The following RANBP2 variants were observed in gnomAD, a reference collection of about 807,000 sequenced individuals.
RANBP2 encodes the protein E3 SUMO-protein ligase RanBP2.
A neutral mutation model predicts 303.6 loss-of-function variants in RANBP2; 57 were observed. The observed-to-expected ratio is 0.19, with a 90% CI of 0.15 to 0.23. The LOEUF (loss-of-function observed/expected upper bound fraction) is 0.23. Ranked by LOEUF, RANBP2 falls within the 10% of genes least tolerant of loss-of-function variation. The pLI is 1.00. For synonymous variants in RANBP2, 1,167 were observed against 1,301.5 expected, an observed-to-expected ratio of 0.90 and a Z score of 2.23; for missense variants, 3,138 against 3,780.8, an observed-to-expected ratio of 0.83 and a Z score of 4.46.
At chr2:108,930,486 C>T in the RANBP2 span, among the ~76,000 whole-genome samples, 2 of 152,236 alleles carry the variant, frequency 1.3e-5, no homozygotes, top group South Asian at 2.1e-4. Flanking sequence ...GCTGGCCAAG[C>T]CCCATCCCAC....
chr2:108,911,056 T>C, the RANBP2 span: 1 of 1,614,134 alleles, frequency 6.2e-7, no homozygotes, highest in African/African-American at 1.3e-5. Flanking sequence ...TGGCCAGGTG[T>C]CCTTGGCCTG....
At chr2:108,826,585 A>AT in the RANBP2 span, among the ~76,000 whole-genome samples, 2 of 152,118 alleles carry the variant, frequency 1.3e-5, no homozygotes, top group African/African-American at 4.8e-5. Flanking sequence ...CCATATCTGG[A>AT]TTCTCAGTTC....
the RANBP2 span, among the ~76,000 whole-genome samples, chr2:109,071,800 C>T: frequency 2.6e-5 from 4 of 151,992 alleles, no homozygotes; most frequent in African/African-American, 9.7e-5. Flanking sequence ...ATATTCAGAG[C>T]CACAATAATA....
the RANBP2 span, among the ~76,000 whole-genome samples, chr2:109,766,586 G>C: frequency 6.6e-6 from 1 of 150,412 alleles, no homozygotes; most frequent in Non-Finnish European, 1.5e-5. Flanking sequence ...AAATGTAGGA[G>C]GGTTTTAAAA....
chr2:109,146,895 C>CT, the RANBP2 span, among the ~76,000 whole-genome samples: 1 of 100,664 alleles, frequency 9.9e-6, no homozygotes, highest in East Asian at 5.6e-4. Context: ...TCCCCCCCCC[C>CT]CCCCCCGCCC....
At chr2:109,525,955 C>G in the RANBP2 span, among the ~76,000 whole-genome samples, 11 of 152,258 alleles carry the variant, frequency 7.2e-5, no homozygotes, top group African/African-American at 2.6e-4. Context: ...TCAGCATTAA[C>G]AGTCTCTGCA....
the RANBP2 span, among the ~76,000 whole-genome samples, chr2:108,890,157 T>G: frequency 3.3e-5 from 5 of 151,360 alleles, no homozygotes; most frequent in Non-Finnish European, 7.4e-5. Flanking sequence ...CTCAGCACTT[T>G]GAGTATATCA....
At chr2:109,198,924 G>A in the RANBP2 span, among the ~76,000 whole-genome samples, 2 of 152,142 alleles carry the variant, frequency 1.3e-5, no homozygotes, top group African/African-American at 2.4e-5. Context: ...ATGCAGAAAA[G>A]GTACAGTAAA....
chr2:108,873,035 T>C, the RANBP2 span, among the ~76,000 whole-genome samples: 1 of 152,224 alleles, frequency 6.6e-6, no homozygotes, highest in African/African-American at 2.4e-5. Context: ...CTGTCATTAA[T>C]AGTCAAGTGA....
chr2:109,183,926 C>T, the RANBP2 span, among the ~76,000 whole-genome samples: 6 of 152,220 alleles, frequency 3.9e-5, no homozygotes, highest in Non-Finnish European at 7.3e-5. Flanking sequence ...GCCCCCACAC[C>T]TACCAGTTGC....
chr2:109,692,651 G>A, the RANBP2 span, among the ~76,000 whole-genome samples: 1 of 152,090 alleles, frequency 6.6e-6, no homozygotes, highest in East Asian at 1.9e-4. Flanking sequence ...ACTGCGGCCC[G>A]GTGCCATTTC....
At chr2:109,451,852 G>A in the RANBP2 span, among the ~76,000 whole-genome samples, 4 of 152,240 alleles carry the variant, frequency 2.6e-5, no homozygotes, top group South Asian at 2.1e-4. Flanking sequence ...GCAGAAGTGC[G>A]TAGGCCACGC....
chr2:108,988,538 G>A, the RANBP2 span, among the ~76,000 whole-genome samples: 3 of 152,130 alleles, frequency 2.0e-5, no homozygotes, highest in African/African-American at 4.8e-5. Flanking sequence ...AGGTCACAGC[G>A]GGTACGCAGA....
the RANBP2 span, among the ~76,000 whole-genome samples, chr2:109,244,487 C>T: frequency 6.6e-6 from 1 of 152,186 alleles, no homozygotes; most frequent in African/African-American, 2.4e-5. Context: ...TACCCCCAAA[C>T]AAATGCCAAA....
At chr2:109,691,790 G>GTT in the RANBP2 span, among the ~76,000 whole-genome samples, 1,113 of 149,938 alleles carry the variant, frequency 7.4e-3, 14 homozygotes, top group South Asian at 0.034. Flanking sequence ...AGTTTTTTTG[G>GTT]TTTTTTTTTT....
At chr2:109,742,618 A>G in the RANBP2 span, among the ~76,000 whole-genome samples, 2 of 147,060 alleles carry the variant, frequency 1.4e-5, no homozygotes, top group African/African-American at 5.2e-5. Context: ...TGTAGATCCA[A>G]TACAATCCTA....
chr2:109,164,005 AGTTT>A, the RANBP2 span, among the ~76,000 whole-genome samples: 71 of 152,102 alleles, frequency 4.7e-4, no homozygotes, highest in Admixed American at 2.9e-3. Context: ...CCAGGGCTTT[AGTTT>A]GTTTGTTACA....
chr2:108,916,544 T>C, the RANBP2 span, among the ~76,000 whole-genome samples: 2 of 152,134 alleles, frequency 1.3e-5, no homozygotes, highest in Admixed American at 6.5e-5. Flanking sequence ...GCTGTGCCTC[T>C]ATCCTGATCA....
At chr2:109,203,636 C>G in the RANBP2 span, among the ~76,000 whole-genome samples, 1 of 152,148 alleles carries the variant, frequency 6.6e-6, no homozygotes, top group Non-Finnish European at 1.5e-5. Context: ...GTGGCCCTGT[C>G]TCTGTGCACC....
Sources: allele counts gnomAD v4.1 joint callset (sites outside exome capture counted in the v4.1 genomes callset), GRCh38; gene constraint gnomAD v4.1.1; transcripts MANE v1.5; gene names NCBI Gene and HGNC (gene_info 2026-07-23, HGNC 2026-07-21).